CLIP2: variants seen among roughly 807,000 people sequenced by gnomAD.
CLIP2 encodes the protein CAP-Gly domain containing linker protein 2.
A neutral mutation model predicts 111.7 loss-of-function variants in CLIP2; 41 were observed. The ratio of observed to expected loss-of-function variants is 0.37; its 90% CI spans 0.29 to 0.48. CLIP2 has a LOEUF of 0.48. Among genes scored for constraint, CLIP2 ranks in the 20% least tolerant of loss-of-function variants. CLIP2 has a pLI of 0.99. For missense variants in CLIP2, 1,160 were observed against 1,422.1 expected, an observed-to-expected ratio of 0.82 and a Z score of 2.96; for synonymous variants, 660 against 644.2, an observed-to-expected ratio of 1.02 and a Z score of -0.37.
At chr7:74,334,862 C>T (rs945605742) in intron 2 of CLIP2, among the ~76,000 whole-genome samples, 3 of 151,386 alleles carry the variant, frequency 2.0e-5, no homozygotes, top group African/African-American at 4.9e-5. Flanking sequence ...CTGGCACGCA[C>T]CTATAATCCT....
intron 12 of CLIP2, among the ~76,000 whole-genome samples, chr7:74,388,432 G>A (rs1198261798): frequency 1.3e-5 from 2 of 151,660 alleles, no homozygotes; most frequent in African/African-American, 2.4e-5. Flanking sequence ...CCTGGGAGGC[G>A]GAGGTTGCAG....
rs934294993 is a variant in CLIP2, at chr7:74,307,822, G to C, written c.-67-9658G>C. 5.9e-5 allele frequency among the ~76,000 whole-genome samples: 9 copies of C among 152,288 alleles called. No individual in the cohort carries two copies. In the East Asian group the frequency reaches 7.7e-4, roughly 13 times the overall value. On this transcript the variant is annotated intron_variant, in intron 1 of 16. Transcript: ENST00000223398. Reference sequence around the variant, plus strand: ...GGTTCTTCATACTGGAGGCTGCTGGGGGGTGGTTCAGGAGGGCTGGAGGTT... The same window carrying C: ...GGTTCTTCATACTGGAGGCTGCTGGCGGGTGGTTCAGGAGGGCTGGAGGTT...
chr7:74,292,527 C>G lies in CLIP2; in HGVS notation c.-68+2793C>G, dbSNP rs529136594. ...TCAGCTTCTCGAATAGCTGGGACTA[C>G]AGGCCCATGCCACCAAGACTGGCTA... On this transcript the variant is annotated intron_variant, in intron 1 of 16. Transcript: ENST00000223398. 2.7e-3 allele frequency among the ~76,000 whole-genome samples: 411 copies of G among 152,182 alleles called. 2 individuals carry two copies. Among genetic ancestry groups the G allele is most frequent in the South Asian group, 5.0e-3 (24 of 4,814 alleles).
chr7:74,317,762 C>G, intron 2 of CLIP2, 95 bp downstream of exon 2: 1 of 1,299,708 alleles, frequency 7.7e-7, no homozygotes, highest in Non-Finnish European at 9.9e-7. Context: ...CACTCTGTGA[C>G]CAATCTGATG....
chr7:74,350,603 G>A (rs1330379141), intron 3 of CLIP2, among the ~76,000 whole-genome samples: 6 of 151,906 alleles, frequency 3.9e-5, no homozygotes, highest in Non-Finnish European at 7.4e-5. Flanking sequence ...AGTGGCTCAC[G>A]CCTGTAATTC....
intron 16 of CLIP2, among the ~76,000 whole-genome samples, chr7:74,402,450 G>A (rs1791649026): frequency 6.6e-6 from 1 of 152,108 alleles, no homozygotes. Flanking sequence ...CTGGCAGGTG[G>A]AGGTTGCAGT....
intron 7 of CLIP2, among the ~76,000 whole-genome samples, chr7:74,363,067 C>T (rs1395769056): frequency 1.3e-5 from 2 of 151,880 alleles, no homozygotes; most frequent in South Asian, 2.1e-4. Flanking sequence ...TGCAATGGCA[C>T]GATCTCAGCT....
At chr7:74,348,516 G>A (rs1554306831) in intron 3 of CLIP2, among the ~76,000 whole-genome samples, 2 of 152,040 alleles carry the variant, frequency 1.3e-5, no homozygotes, top group African/African-American at 4.8e-5. Flanking sequence ...AGGGCCGGGT[G>A]CGGTGGCTCA....
intron 2 of CLIP2, among the ~76,000 whole-genome samples, chr7:74,330,238 T>G (rs1227464391): frequency 4.3e-5 from 6 of 140,468 alleles, no homozygotes; most frequent in African/African-American, 1.0e-4. Context: ...TTCCTCTTGG[T>G]GTTTCTTTTC....
chr7:74,401,732 T>G, intron 16 of CLIP2, 165 bp downstream of exon 16: 1 of 739,736 alleles, frequency 1.4e-6, no homozygotes, highest in Non-Finnish European at 2.4e-6. Flanking sequence ...TGATTCCAGA[T>G]TCACCCTGCT....
intron 3 of CLIP2, 100 bp downstream of exon 3, chr7:74,339,104 G>A: frequency 8.9e-7 from 1 of 1,124,746 alleles, no homozygotes; most frequent in Non-Finnish European, 1.2e-6. Flanking sequence ...GGCAGGGTGG[G>A]GACTCGAAGG....
intron 7 of CLIP2, among the ~76,000 whole-genome samples, chr7:74,361,176 T>TTCCTTCCTTCCTTCCTTCC (rs1790318521): frequency 1.8e-4 from 11 of 62,016 alleles, no homozygotes; most frequent in Non-Finnish European, 3.3e-4. Context: ...CCCTCCCTTC[T>TTCCTTCCTTCCTTCCTTCC]TTCCTTCCTT....
At chr7:74,299,622 C>G (rs1441951057) in intron 1 of CLIP2, among the ~76,000 whole-genome samples, 1 of 152,202 alleles carries the variant, frequency 6.6e-6, no homozygotes, top group Non-Finnish European at 1.5e-5. Context: ...TGGGCTCAGC[C>G]TCTTCCCCAG....
chr7:74,359,864 C>T (rs1790273376), intron 6 of CLIP2, among the ~76,000 whole-genome samples: 1 of 152,234 alleles, frequency 6.6e-6, no homozygotes, highest in South Asian at 2.1e-4. Context: ...AAGTTCATGG[C>T]TGTGCTTTGA....
At chr7:74,336,937 G>A (rs990554932) in intron 2 of CLIP2, among the ~76,000 whole-genome samples, 22 of 143,304 alleles carry the variant, frequency 1.5e-4, no homozygotes, top group African/African-American at 5.4e-4. Context: ...CCAGGCTGGA[G>A]TGCAGTGGTG....
chr7:74,307,281 C>A (rs1788519277), intron 1 of CLIP2, among the ~76,000 whole-genome samples: 1 of 152,288 alleles, frequency 6.6e-6, no homozygotes, highest in Non-Finnish European at 1.5e-5. Flanking sequence ...AAATGTTATT[C>A]CAGGGCTGGG....
chr7:74,383,272 T>C (rs1554314245), intron 11 of CLIP2, among the ~76,000 whole-genome samples: 1 of 152,132 alleles, frequency 6.6e-6, no homozygotes, highest in African/African-American at 2.4e-5. Context: ...CCCAACACTA[T>C]TTTTGAAAAT....
chr7:74,398,786 C>A (rs1554317098), intron 14 of CLIP2, among the ~76,000 whole-genome samples: 2 of 152,210 alleles, frequency 1.3e-5, no homozygotes, highest in African/African-American at 4.8e-5. Context: ...GTGGCTGCAC[C>A]CTCTGTGGTC....
intron 12 of CLIP2, among the ~76,000 whole-genome samples, chr7:74,387,910 C>T (rs530841543): frequency 4.6e-5 from 7 of 152,200 alleles, no homozygotes; most frequent in East Asian, 3.9e-4. Context: ...CAGTGGAGGC[C>T]GTGAGCGATG....
Sources: allele counts gnomAD v4.1 joint callset (sites outside exome capture counted in the v4.1 genomes callset), GRCh38; gene constraint gnomAD v4.1.1; transcripts MANE v1.5; gene names NCBI Gene and HGNC (gene_info 2026-07-23, HGNC 2026-07-21).